ANKRD22: variants seen among roughly 807,000 people sequenced by gnomAD.
ANKRD22 encodes ankyrin repeat domain 22, also known as ankyrin repeat domain-containing protein 22.
Under a neutral mutation model 25.7 loss-of-function variants are expected in ANKRD22, and 24 were observed. The observed-to-expected ratio is 0.93, with a 90% CI of 0.68 to 1.31. The LOEUF is 1.31. Ranked by LOEUF, ANKRD22 falls within the 50% of genes most tolerant of loss-of-function variation. The pLI is 0.00. For missense variants in ANKRD22, 214 were observed against 227.1 expected (o/e 0.94, Z 0.37); for synonymous variants, 84 against 84.3 (o/e 1.00, Z 0.02).
chr10:88,823,052 A>T (rs770105801), intron 5 of ANKRD22, 34 bp from the exon 6 acceptor site: 2 of 1,587,518 alleles, frequency 1.3e-6, no homozygotes, highest in Admixed American at 3.3e-5. Flanking sequence ...TATTTCCAAT[A>T]GAGTGCCCAA....
chr10:88,847,298 G>T (rs956912975), intron 1 of ANKRD22, among the ~76,000 whole-genome samples: 9 of 151,808 alleles, frequency 5.9e-5, no homozygotes, highest in Non-Finnish European at 1.3e-4. Flanking sequence ...TCACTCTGTT[G>T]CCCAGGCTGG....
rs543742547 is a variant in ANKRD22 at position 88,843,876 on chromosome 10, C to T, written c.21+7711G>A. On this transcript the variant is annotated intron_variant, in intron 1 of 5. Transcript: ENST00000371930. ...CAAGATAGACACATGTTTATTAAAC[C>T]GACATTTAGGTCAGGGAAGCTATCA... 5.3e-5 allele frequency among the ~76,000 whole-genome samples: 8 copies of T among 152,136 alleles called. No homozygotes were observed. The East Asian group carries it at 9.6e-4, about 18-fold the overall frequency.
chr10:88,846,871 T>G (rs184856713), intron 1 of ANKRD22, among the ~76,000 whole-genome samples: 48 of 152,284 alleles, frequency 3.2e-4, no homozygotes, highest in Admixed American at 5.9e-4. Context: ...GTGAGAATTT[T>G]TATCAGTGAT....
intron 1 of ANKRD22, among the ~76,000 whole-genome samples, chr10:88,845,253 T>C (rs559082522): frequency 6.6e-6 from 1 of 152,258 alleles, no homozygotes; most frequent in East Asian, 1.9e-4. Flanking sequence ...CCAAGGGTGC[T>C]CAAAGGAGGT....
chr10:88,842,818 A>C (rs1844014623), intron 1 of ANKRD22, among the ~76,000 whole-genome samples: 1 of 152,156 alleles, frequency 6.6e-6, no homozygotes, highest in African/African-American at 2.4e-5. Context: ...GTAACATTTC[A>C]CACATTGTAA....
chr10:88,820,471 T>C lies in ANKRD22; in HGVS notation c.*2470A>G, dbSNP rs2133066292. 6.4e-7 allele frequency: 1 copy of C among 1,551,618 alleles called. No homozygotes were observed. The highest frequency in any genetic ancestry group is 8.7e-7 in the Non-Finnish European group (1 of 1,146,992). On this transcript the variant is annotated 3_prime_UTR_variant, in exon 6 of 6. Transcript: ENST00000371930. ...TGATGCAGCAGGAGGAGACCAACCTTTCCCAGGGACGGTGTGAGGCCGTAT... is the reference window on the plus strand; with the variant it reads ...TGATGCAGCAGGAGGAGACCAACCTCTCCCAGGGACGGTGTGAGGCCGTAT...
intron 2 of ANKRD22, among the ~76,000 whole-genome samples, chr10:88,831,129 C>CA (rs892013216): frequency 6.6e-6 from 1 of 151,900 alleles, no homozygotes; most frequent in African/African-American, 2.4e-5. Context: ...ATAATGATTG[C>CA]AAAAAAATGG....
intron 1 of ANKRD22, among the ~76,000 whole-genome samples, chr10:88,840,519 T>A (rs139249682): frequency 6.6e-6 from 1 of 152,264 alleles, no homozygotes. Flanking sequence ...TAATTCCCAA[T>A]CTAAGGAAAG....
Position 88,851,745 on chromosome 10 carries a change from T to A in ANKRD22, c.-138A>T. The A allele has an allele frequency of 1.1e-6, 1 of 920,406 alleles. No individual in the cohort carries two copies. Among genetic ancestry groups the A allele is most frequent in the Non-Finnish European group, 1.7e-6 (1 of 573,312 alleles). The allele number at this position is 920,406 out of a possible 1,614,324, so 57.0% of individuals were successfully genotyped here. ...GCTGGTGGCAAGCTCCAGGAGTGCTTTTCTAGCAAACACCTGTCAGTGCTT... is the reference window on the plus strand; with the variant it reads ...GCTGGTGGCAAGCTCCAGGAGTGCTATTCTAGCAAACACCTGTCAGTGCTT... On this transcript the variant is annotated 5_prime_UTR_variant, in exon 1 of 6. Coordinates refer to ENST00000371930, the MANE Select transcript of ANKRD22 (RefSeq NM_144590.3).
chr10:88,838,847 A>G (rs1843979181), intron 1 of ANKRD22, among the ~76,000 whole-genome samples: 1 of 152,196 alleles, frequency 6.6e-6, no homozygotes, highest in Non-Finnish European at 1.5e-5. Flanking sequence ...AATGCCCAGG[A>G]AAAGCCAGAT....
intron 1 of ANKRD22, among the ~76,000 whole-genome samples, chr10:88,839,523 A>G (rs1843985105): frequency 6.7e-6 from 1 of 150,202 alleles, no homozygotes; most frequent in Non-Finnish European, 1.5e-5. Flanking sequence ...GGCCCATCTC[A>G]TGGTTCATCT....
intron 1 of ANKRD22, among the ~76,000 whole-genome samples, chr10:88,840,663 T>C (rs748495075): frequency 1.3e-5 from 2 of 152,146 alleles, no homozygotes; most frequent in Non-Finnish European, 2.9e-5. Context: ...TGGAGCAAAA[T>C]GATTCCGGTA....
intron 1 of ANKRD22, 60 bp from the exon 2 acceptor site, chr10:88,832,086 G>C: frequency 8.2e-6 from 12 of 1,461,610 alleles, no homozygotes; most frequent in Non-Finnish European, 1.1e-5. Context: ...CCACAAAAAC[G>C]AAAAAAAAGT....
At chr10:88,841,706 G>A (rs1844005251) in intron 1 of ANKRD22, among the ~76,000 whole-genome samples, 1 of 152,132 alleles carries the variant, frequency 6.6e-6, no homozygotes, top group South Asian at 2.1e-4. Context: ...CTTAACTTCA[G>A]CTATTTCTTA....
rs1554833717 is a variant in ANKRD22, at chr10:88,851,640, AG to A, written c.-34del. ...CTTCACAGGCTTACTTCACCTCTAC[AG>A]CTCCTTGAATCTTCTGGAGGTATTT... On this transcript the variant is annotated 5_prime_UTR_variant, in exon 1 of 6. Coordinates refer to ENST00000371930, the MANE Select transcript of ANKRD22 (RefSeq NM_144590.3). 5.6e-6 allele frequency: 9 copies of A among 1,612,042 alleles called. No homozygotes were observed. Among genetic ancestry groups the A allele is most frequent in the Non-Finnish European group, 7.6e-6 (9 of 1,178,420 alleles).
At chr10:88,832,077 C>T (rs956473834) in intron 1 of ANKRD22, 51 bp from the exon 2 acceptor site, 10 of 1,503,398 alleles carry the variant, frequency 6.7e-6, no homozygotes, top group African/African-American at 1.4e-5. Flanking sequence ...ATAATTAAAC[C>T]ACAAAAACGA....
chr10:88,846,146 C>T (rs958156999), intron 1 of ANKRD22, among the ~76,000 whole-genome samples: 4 of 149,762 alleles, frequency 2.7e-5, no homozygotes, highest in Admixed American at 6.7e-5. Flanking sequence ...GGTCAGACAT[C>T]TTTTTTTTTT....
chr10:88,830,725 G>A (rs1490646619), intron 2 of ANKRD22, among the ~76,000 whole-genome samples: 1 of 152,166 alleles, frequency 6.6e-6, no homozygotes, highest in African/African-American at 2.4e-5. Context: ...GGAGATAAAA[G>A]TGTCTCCTCA....
intron 4 of ANKRD22, among the ~76,000 whole-genome samples, chr10:88,824,625 A>G (rs1843835671): frequency 6.6e-6 from 1 of 152,218 alleles, no homozygotes. Flanking sequence ...CAAACTCCTG[A>G]GTTCAAGGGA....
Sources: gnomAD v4.1 joint callset for allele counts (sites outside exome capture counted in the v4.1 genomes callset) on GRCh38, gnomAD v4.1.1 for gene constraint, MANE v1.5 for transcripts, NCBI Gene and HGNC (gene_info 2026-07-23, HGNC 2026-07-21) for gene names.